PRELID2: variants seen among roughly 807,000 people sequenced by gnomAD.
PRELID2 encodes the protein PRELI domain-containing protein 2.
In PRELID2, 25 loss-of-function variants were observed where a neutral mutation model predicts 28.4. The observed-to-expected ratio is 0.88, with a 90% confidence interval of 0.64 to 1.23. The LOEUF (loss-of-function observed/expected upper bound fraction) is 1.23, where lower values mean the gene tolerates loss of function less well. Among genes scored for constraint, PRELID2 ranks in the 50% most tolerant of loss-of-function variants. The pLI is 0.00. For synonymous variants in PRELID2, 76 were observed against 71.6 expected, an observed-to-expected ratio of 1.06 and a Z score of -0.31; for missense variants, 201 against 214.4, an observed-to-expected ratio of 0.94 and a Z score of 0.39.
At chr5:145,573,172 A>T (rs905382194) in intron 1 of PRELID2, among the ~76,000 whole-genome samples, 23 of 151,986 alleles carry the variant, frequency 1.5e-4, no homozygotes, top group African/African-American at 5.6e-4. Context: ...TCATATACAC[A>T]TAACTTTTTG....
chr5:145,675,237 T>C (rs1331451027), intron 1 of PRELID2, among the ~76,000 whole-genome samples: 1 of 152,146 alleles, frequency 6.6e-6, no homozygotes, highest in East Asian at 1.9e-4. Context: ...GCAAGAGATA[T>C]AAAGAGATAT....
chr5:145,259,699 G>C, the PRELID2 span, among the ~76,000 whole-genome samples: 1 of 152,070 alleles, frequency 6.6e-6, no homozygotes, highest in African/African-American at 2.4e-5. Context: ...GCTTTTACAG[G>C]CTCATAGGCA....
At chr5:145,736,272 T>C (rs1231423378) in intron 1 of PRELID2, among the ~76,000 whole-genome samples, 1 of 152,198 alleles carries the variant, frequency 6.6e-6, no homozygotes, top group Non-Finnish European at 1.5e-5. Context: ...CTTTGGTCTT[T>C]GTGCTCTTTA....
rs537439711 is a variant in PRELID2, at chr5:145,606,222, G to C, written n.71-132907C>G. Among the ~76,000 whole-genome samples, 284 of 152,160 alleles carry C rather than the reference G, an allele frequency of 1.9e-3. 3 individuals carry two copies. The highest frequency in any genetic ancestry group is 0.014 in the South Asian group (67 of 4,828). On this transcript the variant is annotated intron_variant and non_coding_transcript_variant, in intron 1 of 2. Coordinates refer to the PRELID2 transcript ENST00000510259. ...ATCACATCATCTACAAACAGAGATA[G>C]TTTGACATCCTCTCTTCCTATCTGG...
chr5:145,547,105 T>C (rs1752794387), intron 1 of PRELID2, among the ~76,000 whole-genome samples: 1 of 152,198 alleles, frequency 6.6e-6, no homozygotes, highest in Admixed American at 6.5e-5. Flanking sequence ...CAAACAAGAA[T>C]ATACTTTTCT....
the PRELID2 span, among the ~76,000 whole-genome samples, chr5:145,271,372 G>C: frequency 1.3e-5 from 2 of 151,988 alleles, no homozygotes; most frequent in African/African-American, 4.8e-5. Flanking sequence ...CCACAGGCAT[G>C]TATTACCATG....
chr5:145,536,415 G>C (rs1752698910), intron 1 of PRELID2, among the ~76,000 whole-genome samples: 3 of 151,908 alleles, frequency 2.0e-5, no homozygotes, highest in African/African-American at 7.2e-5. Flanking sequence ...TATACAACGG[G>C]AAGTAAATCA....
chr5:145,447,812 T>C, the PRELID2 span, among the ~76,000 whole-genome samples: 1 of 133,802 alleles, frequency 7.5e-6, no homozygotes, highest in Non-Finnish European at 1.6e-5. Flanking sequence ...CATCATTTTT[T>C]ATGGCTGCAT....
At chr5:145,420,997 G>C in the PRELID2 span, among the ~76,000 whole-genome samples, 117 of 143,396 alleles carry the variant, frequency 8.2e-4, no homozygotes, top group Non-Finnish European at 8.7e-4. Flanking sequence ...TAATCATGTG[G>C]TTTTTGTCTT....
At chr5:145,513,218 T>C (rs891813012) in intron 1 of PRELID2, among the ~76,000 whole-genome samples, 1 of 151,446 alleles carries the variant, frequency 6.6e-6, no homozygotes, top group African/African-American at 2.4e-5. Context: ...TCTAACCCAA[T>C]GGAAGGAAGC....
At chr5:145,291,065 C>T in the PRELID2 span, among the ~76,000 whole-genome samples, 7 of 151,518 alleles carry the variant, frequency 4.6e-5, no homozygotes, top group East Asian at 7.8e-4. Flanking sequence ...AGGGGTCGGA[C>T]GCGGTGGCTC....
At chr5:145,516,909 T>C (rs1752522097) in intron 1 of PRELID2, among the ~76,000 whole-genome samples, 1 of 152,188 alleles carries the variant, frequency 6.6e-6, no homozygotes, top group Non-Finnish European at 1.5e-5. Context: ...ATTTAATAAA[T>C]GGTGTTGGGA....
At chr5:145,354,675 C>A in the PRELID2 span, among the ~76,000 whole-genome samples, 1 of 152,134 alleles carries the variant, frequency 6.6e-6, no homozygotes, top group African/African-American at 2.4e-5. Flanking sequence ...CCACCACATA[C>A]ATGAGCTAAT....
intron 1 of PRELID2, among the ~76,000 whole-genome samples, chr5:145,619,141 T>A (rs1047715657): frequency 3.3e-5 from 5 of 152,078 alleles, no homozygotes; most frequent in African/African-American, 1.2e-4. Context: ...CCTTAGTTCT[T>A]CCCCCACGTG....
the PRELID2 span, among the ~76,000 whole-genome samples, chr5:145,327,413 T>C: frequency 6.6e-6 from 1 of 152,078 alleles, no homozygotes; most frequent in Non-Finnish European, 1.5e-5. Flanking sequence ...GTCAATTTTG[T>C]ACGATATAAT....
At chr5:145,318,991 G>A in the PRELID2 span, among the ~76,000 whole-genome samples, 8 of 152,110 alleles carry the variant, frequency 5.3e-5, no homozygotes, top group African/African-American at 7.2e-5. Context: ...TCCCACAGCC[G>A]ATCTCCTCTC....
At chr5:145,278,425 T>A in the PRELID2 span, among the ~76,000 whole-genome samples, 3 of 152,234 alleles carry the variant, frequency 2.0e-5, no homozygotes, top group East Asian at 3.9e-4. Context: ...CATGAAGTCA[T>A]TGGCAGGATT....
At chr5:145,814,137 G>T (rs1166258556) in intron 4 of PRELID2, among the ~76,000 whole-genome samples, 2 of 151,990 alleles carry the variant, frequency 1.3e-5, no homozygotes, top group African/African-American at 4.8e-5. Flanking sequence ...AATAATTTTT[G>T]AAAAACACTC....
chr5:145,341,379 T>A, the PRELID2 span, among the ~76,000 whole-genome samples: 1 of 152,176 alleles, frequency 6.6e-6, no homozygotes, highest in African/African-American at 2.4e-5. Flanking sequence ...ATTCAGTACA[T>A]GAGTGAGAAA....
Sources: allele counts gnomAD v4.1 joint callset (sites outside exome capture counted in the v4.1 genomes callset), GRCh38; gene constraint gnomAD v4.1.1; transcripts MANE v1.5; gene names NCBI Gene and HGNC (gene_info 2026-07-23, HGNC 2026-07-21).